Variants in NCOR2 observed in about 807,000 individuals in gnomAD.
The protein encoded by NCOR2 is CTG repeat protein 26.
NCOR2 carries 81 observed loss-of-function variants against 262.9 expected under a neutral mutation model. That is an observed-to-expected ratio of 0.31 (90% CI 0.26 to 0.37). The LOEUF (loss-of-function observed/expected upper bound fraction) is 0.37. NCOR2 is among the 10% of genes least tolerant of loss of function. The pLI, the probability that NCOR2 is intolerant of heterozygous loss-of-function variation, is 1.00. For missense variants in NCOR2, 3,385 were observed against 3,621.4 expected (o/e 0.93, Z 1.68); for synonymous variants, 1,659 against 1,559.3 (o/e 1.06, Z -1.51).
chr12:124,382,849 G>A (rs1389817972), intron 17 of NCOR2, among the ~76,000 whole-genome samples: 1 of 152,194 alleles, frequency 6.6e-6, no homozygotes, highest in African/African-American at 2.4e-5. Flanking sequence ...AAACACACTT[G>A]TTCTTCAACA....
intron 16 of NCOR2, among the ~76,000 whole-genome samples, chr12:124,386,384 G>A (rs767833005): frequency 6.6e-5 from 10 of 152,094 alleles, no homozygotes; most frequent in South Asian, 2.1e-4. Flanking sequence ...AGGAAGGGAC[G>A]TGGTGAGCAG....
Position 124,354,947 on chromosome 12 carries a change from G to A in NCOR2, c.3382-8C>T, listed in dbSNP as rs749117774. On this transcript the variant is annotated splice_polypyrimidine_tract_variant and splice_region_variant and intron_variant, in intron 24 of 46. Transcript: ENST00000405201. ...GAGCTGGACCGACATTCCCTGTAGG[G>A]GCGGAGTTGTGGGGTCACAGGGGCA... The A allele has an allele frequency of 2.5e-6, 4 of 1,611,716 alleles. No homozygotes were observed. The African/African-American group carries it at 5.3e-5, about 22-fold the overall frequency.
chr12:124,456,288 G>A (rs2045850488), intron 6 of NCOR2, among the ~76,000 whole-genome samples: 2 of 152,214 alleles, frequency 1.3e-5, no homozygotes, highest in South Asian at 4.1e-4. Flanking sequence ...TATACCTTCA[G>A]TGCCCACCAC....
At chr12:124,520,887 G>C (rs930460241) in intron 1 of NCOR2, among the ~76,000 whole-genome samples, 1 of 152,158 alleles carries the variant, frequency 6.6e-6, no homozygotes, top group Non-Finnish European at 1.5e-5. Flanking sequence ...GGGAAAGATC[G>C]GTGAAGACCC....
chr12:124,333,842 GTGTGCGGGTGTGCA>G (rs1350913876), intron 41 of NCOR2, among the ~76,000 whole-genome samples: 35 of 135,826 alleles, frequency 2.6e-4, no homozygotes, highest in South Asian at 1.8e-3. Context: ...GGGTGCGCCT[GTGTGCGGGTGTGCA>G]TGTGTGTGTG....
At chr12:124,466,036 CCTGCG>C (rs2136631756) in intron 5 of NCOR2, 132 bp downstream of exon 7, 1 of 851,596 alleles carries the variant, frequency 1.2e-6, no homozygotes, top group East Asian at 2.7e-5. Flanking sequence ...ACTCATAAAC[CCTGCG>C]TCTCTGGGGG....
chr12:124,494,524 G>A (rs1459161822), intron 1 of NCOR2, among the ~76,000 whole-genome samples: 1 of 152,200 alleles, frequency 6.6e-6, no homozygotes. Context: ...TAGGAGACCC[G>A]ACCAGGGCAC....
At chr12:124,462,170 C>A (rs2046199080) in intron 5 of NCOR2, among the ~76,000 whole-genome samples, 1 of 152,188 alleles carries the variant, frequency 6.6e-6, no homozygotes, top group Non-Finnish European at 1.5e-5. Context: ...CACACGTGTA[C>A]CCACAGGCAC....
At chr12:124,416,707 A>G (rs2042887349) in intron 13 of NCOR2, among the ~76,000 whole-genome samples, 2 of 132,414 alleles carry the variant, frequency 1.5e-5, no homozygotes, top group Non-Finnish European at 3.2e-5. Flanking sequence ...CGCGGCACAG[A>G]TAGAACCCGC....
intron 1 of NCOR2, among the ~76,000 whole-genome samples, chr12:124,554,487 G>C (rs2051819909): frequency 6.6e-6 from 1 of 152,134 alleles, no homozygotes; most frequent in Admixed American, 6.5e-5. Flanking sequence ...TCTCTCCAAG[G>C]CAAAAGCCAG....
At chr12:124,433,364 C>T (rs2044091138) in intron 8 of NCOR2, among the ~76,000 whole-genome samples, 1 of 152,254 alleles carries the variant, frequency 6.6e-6, no homozygotes, top group African/African-American at 2.4e-5. Flanking sequence ...GTGAGAAAAG[C>T]TCACCTCAAG....
chr12:124,340,360 G>A lies in NCOR2; in HGVS notation c.5422C>T (p.Arg1808Trp), dbSNP rs375229118. ...GTGAGGATGGACTTTTCCCGCTCCC[G>A]ATCCCGGTCCCGCTCTCGATCCCGG... Residue 1808 changes from arginine (R) to tryptophan (W), a missense_variant, in exon 36 of 47, where the codon CGG becomes TGG. Physicochemically the swap from Arg to Trp is moderately radical, Grantham distance 101 (BLOSUM62 -3). This residue lies in a region of NCOR2 where 1,615 missense variants were observed against 1,626.9 expected (regional missense o/e 0.99). Coordinates refer to ENST00000405201, the Ensembl canonical transcript of NCOR2. 41 of 1,612,836 alleles carry A rather than the reference G, an allele frequency of 2.5e-5. No individual in the cohort carries two copies. Among genetic ancestry groups the A allele is most frequent in the East Asian group, 1.6e-4 (7 of 44,874 alleles).
At chr12:124,355,388 G>A in intron 24 of NCOR2, 44 bp downstream of exon 26, 2 of 1,603,442 alleles carry the variant, frequency 1.2e-6, no homozygotes, top group Non-Finnish European at 8.5e-7. Context: ...CCACTTTACA[G>A]ATAAGAAGAC....
chr12:124,346,520 A>C, intron 31 of NCOR2, 44 bp downstream of exon 33: 1 of 1,462,034 alleles, frequency 6.8e-7, no homozygotes. Flanking sequence ...AGCCACCGCC[A>C]CCCCTCCTAG....
Position 124,473,583 on chromosome 12 carries a change from A to AAT in NCOR2, c.412-454_412-453dup, listed in dbSNP as rs571760604. Among the ~76,000 whole-genome samples, 159 of 151,840 alleles carry AAT rather than the reference A, an allele frequency of 1.0e-3. 3 individuals are homozygous for AAT. Among genetic ancestry groups the AAT allele is most frequent in the Middle Eastern group, 3.4e-3 (1 of 294 alleles). On this transcript the variant is annotated intron_variant, in intron 3 of 46. Transcript: ENST00000405201. ...CTCCTTAATAAACTCCCCTTTATGT[A>AAT]ATATATATATATATTTTTTCTATTA...
chr12:124,388,033 T>G (rs1372540099), intron 16 of NCOR2, among the ~76,000 whole-genome samples: 1 of 136,374 alleles, frequency 7.3e-6, no homozygotes, highest in Non-Finnish European at 1.5e-5. Context: ...CCTAATTAAC[T>G]CCGATCATGG....
intron 13 of NCOR2, among the ~76,000 whole-genome samples, chr12:124,404,940 C>G (rs548041070): frequency 1.4e-4 from 22 of 152,240 alleles, no homozygotes; most frequent in African/African-American, 5.3e-4. Context: ...GAAACAGGCT[C>G]AGAGAGGCAA....
chr12:124,520,679 C>A (rs2050134742), intron 1 of NCOR2, among the ~76,000 whole-genome samples: 1 of 152,190 alleles, frequency 6.6e-6, no homozygotes, highest in Non-Finnish European at 1.5e-5. Context: ...GCAGCAGCCC[C>A]CAGACAGAGC....
In NCOR2 at chr12:124,455,360, C is replaced by T. The variant is rs1444046408; in HGVS notation, c.762+1746G>A. 6.6e-5 allele frequency among the ~76,000 whole-genome samples: 10 copies of T among 152,358 alleles called. No homozygotes were observed. The South Asian group carries it at 1.7e-3, about 25-fold the overall frequency. ...CACGACCCTAGGCCAGAGCTCACCA[C>T]CCAGATCGCCCAGGCCCGAGGATGT... On this transcript the variant is annotated intron_variant, in intron 6 of 46. Coordinates refer to ENST00000405201, the Ensembl canonical transcript of NCOR2.
Sources: gnomAD v4.1 joint callset for allele counts (sites outside exome capture counted in the v4.1 genomes callset) on GRCh38, gnomAD v4.1.1 for gene constraint, gnomAD v4.1.1 regional missense constraint, MANE v1.5 for transcripts, NCBI Gene and HGNC (gene_info 2026-07-23, HGNC 2026-07-21) for gene names.